Variants in BMAL1 observed in about 807,000 individuals in gnomAD.
BMAL1 encodes basic helix-loop-helix ARNT like 1, also known as basic helix-loop-helix ARNT-like protein 1.
the BMAL1 span, among the ~76,000 whole-genome samples, chr11:13,362,579 CT>C: frequency 5.9e-5 from 9 of 151,798 alleles, no homozygotes; most frequent in African/African-American, 2.2e-4. Flanking sequence ...ATGATAAACA[CT>C]TTAGGGTGGG....
At chr11:13,280,545 C>T in the BMAL1 span, among the ~76,000 whole-genome samples, 5 of 152,340 alleles carry the variant, frequency 3.3e-5, no homozygotes, top group Admixed American at 6.5e-5. Flanking sequence ...TAAACAGTTT[C>T]AGCCCCGTGA....
chr11:13,314,594 C>T, the BMAL1 span, among the ~76,000 whole-genome samples: 1 of 151,982 alleles, frequency 6.6e-6, no homozygotes, highest in African/African-American at 2.4e-5. Context: ...TTTTGATGGA[C>T]CGATAATAGC....
the BMAL1 span, among the ~76,000 whole-genome samples, chr11:13,314,947 C>T: frequency 6.6e-6 from 1 of 152,196 alleles, no homozygotes; most frequent in African/African-American, 2.4e-5. Context: ...CACAATGCAC[C>T]TAGCCAATAG....
At chr11:13,301,083 C>T in the BMAL1 span, among the ~76,000 whole-genome samples, 3 of 152,150 alleles carry the variant, frequency 2.0e-5, no homozygotes, top group African/African-American at 7.2e-5. Context: ...ATTATAGGCA[C>T]GTGCCACCAC....
chr11:13,333,584 T>C, the BMAL1 span, among the ~76,000 whole-genome samples: 30 of 152,296 alleles, frequency 2.0e-4, no homozygotes, highest in Non-Finnish European at 3.8e-4. Context: ...AATGGTCCAG[T>C]GGGCAGGGGC....
the BMAL1 span, among the ~76,000 whole-genome samples, chr11:13,300,357 AG>A: frequency 7.9e-5 from 12 of 152,344 alleles, no homozygotes; most frequent in African/African-American, 2.9e-4. Context: ...AAGATTTAAT[AG>A]CGAATCAGAA....
chr11:13,344,411 C>T, the BMAL1 span, among the ~76,000 whole-genome samples: 1 of 152,332 alleles, frequency 6.6e-6, no homozygotes, highest in South Asian at 2.1e-4. Context: ...ATTGCTTGTA[C>T]AGCTGTAAAC....
the BMAL1 span, among the ~76,000 whole-genome samples, chr11:13,377,048 C>T: frequency 6.6e-6 from 1 of 152,308 alleles, no homozygotes; most frequent in East Asian, 1.9e-4. Context: ...AGTGCTCTTT[C>T]GTGACTGTCA....
the BMAL1 span, among the ~76,000 whole-genome samples, chr11:13,298,574 C>T: frequency 6.6e-6 from 1 of 152,050 alleles, no homozygotes; most frequent in African/African-American, 2.4e-5. Context: ...CAGGCAGGCA[C>T]CAGTGTTAAT....
At chr11:13,298,347 A>G in the BMAL1 span, among the ~76,000 whole-genome samples, 36,637 of 152,068 alleles carry the variant, frequency 0.24, 4,920 homozygotes, top group East Asian at 0.5. Context: ...AGAGGTGTGT[A>G]TGGCTAGTTA....
At chr11:13,370,888 A>G in the BMAL1 span, among the ~76,000 whole-genome samples, 7 of 152,320 alleles carry the variant, frequency 4.6e-5, no homozygotes, top group Admixed American at 4.6e-4. Flanking sequence ...TGATGCCTCA[A>G]GCCCCTTCTG....
At chr11:13,300,177 GC>G in the BMAL1 span, among the ~76,000 whole-genome samples, 1 of 152,112 alleles carries the variant, frequency 6.6e-6, no homozygotes, top group African/African-American at 2.4e-5. Flanking sequence ...ATCTAAAATG[GC>G]CGTATAATAT....
the BMAL1 span, among the ~76,000 whole-genome samples, chr11:13,382,016 G>A: frequency 1.1e-3 from 168 of 152,212 alleles, 1 homozygote; most frequent in South Asian, 0.011. Flanking sequence ...CCATAGGCAG[G>A]ACTCCTAGGG....
At chr11:13,361,879 A>G in the BMAL1 span, among the ~76,000 whole-genome samples, 1 of 152,280 alleles carries the variant, frequency 6.6e-6, no homozygotes, top group Non-Finnish European at 1.5e-5. Context: ...GGGTAAATGA[A>G]GCTCTAGTCT....
the BMAL1 span, among the ~76,000 whole-genome samples, chr11:13,282,004 T>C: frequency 1.3e-5 from 2 of 152,222 alleles, no homozygotes; most frequent in Non-Finnish European, 2.9e-5. Context: ...TGTGTTCTGC[T>C]AGCAGGTCCG....
At chr11:13,338,849 C>T in the BMAL1 span, among the ~76,000 whole-genome samples, 1 of 152,220 alleles carries the variant, frequency 6.6e-6, no homozygotes, top group African/African-American at 2.4e-5. Context: ...ATCCTAGGCA[C>T]GTGTTTGATG....
the BMAL1 span, among the ~76,000 whole-genome samples, chr11:13,288,102 C>A: frequency 2.6e-5 from 4 of 152,154 alleles, no homozygotes; most frequent in East Asian, 5.8e-4. Context: ...TGAGCGGAAA[C>A]AGCATAATTA....
the BMAL1 span, among the ~76,000 whole-genome samples, chr11:13,317,348 C>T: frequency 6.6e-6 from 1 of 152,088 alleles, no homozygotes; most frequent in African/African-American, 2.4e-5. Flanking sequence ...GATGTTGAGT[C>T]TATGTCCTTT....
chr11:13,299,848 C>G, the BMAL1 span, among the ~76,000 whole-genome samples: 2 of 152,164 alleles, frequency 1.3e-5, no homozygotes, highest in East Asian at 3.9e-4. Context: ...GCAAATCCCT[C>G]CTGCCTTTGC....
Sources: gnomAD v4.1 joint callset for allele counts (sites outside exome capture counted in the v4.1 genomes callset) on GRCh38, gnomAD v4.1.1 for gene constraint, MANE v1.5 for transcripts, NCBI Gene and HGNC (gene_info 2026-07-23, HGNC 2026-07-21) for gene names.